Variants in CHD1L observed in about 807,000 individuals in gnomAD.
The protein encoded by CHD1L is chromodomain helicase DNA binding protein 1 like.
In CHD1L, 118 loss-of-function variants were observed where a neutral mutation model predicts 115.9. The ratio of observed to expected loss-of-function variants is 1.02; its 90% CI spans 0.88 to 1.19. The LOEUF is 1.19. Ranked by LOEUF, CHD1L falls within the 50% of genes most tolerant of loss-of-function variation. CHD1L has a pLI of 0.00. For missense variants in CHD1L, 1,179 were observed against 1,065.3 expected (o/e 1.11, Z -1.49); for synonymous variants, 411 against 387.1 (o/e 1.06, Z -0.72).
the CHD1L span, among the ~76,000 whole-genome samples, chr1:147,218,562 C>A: frequency 1.3e-5 from 2 of 152,130 alleles, no homozygotes; most frequent in Non-Finnish European, 2.9e-5. Flanking sequence ...ACCTTCCACA[C>A]CACTCCATGG....
chr1:147,233,499 C>T, the CHD1L span, among the ~76,000 whole-genome samples: 1 of 150,928 alleles, frequency 6.6e-6, no homozygotes, highest in African/African-American at 2.4e-5. Context: ...GCCCGGCCAG[C>T]CGCCCCATCC....
chr1:147,267,539 C>T (rs1206372782), intron 9 of CHD1L, 21 bp downstream of exon 9: 7 of 1,573,460 alleles, frequency 4.4e-6, no homozygotes, highest in South Asian at 2.3e-5. Flanking sequence ...GCCTTTTCCC[C>T]CCACATTATT....
At position 147,293,607 on chromosome 1, in the gene CHD1L, G is replaced by A. The variant is rs782165752; in HGVS notation, c.2392-1G>A. 8.7e-6 allele frequency: 14 copies of A among 1,613,490 alleles called. No individual in the cohort carries two copies. The South Asian group carries it at 1.3e-4, about 15-fold the overall frequency. On this transcript the variant is annotated splice_acceptor_variant, in intron 20 of 22. Coordinates refer to ENST00000369258, the MANE Select transcript of CHD1L (RefSeq NM_004284.6). LOFTEE classifies it high-confidence loss of function. ...GGTCATCTAATGGTGGTTCTTTCCA[G>A]TTGGCCTTGATTGTGGCTCAGCATC...
chr1:147,178,333 T>C, the CHD1L span: 67 of 1,612,470 alleles, frequency 4.2e-5, no homozygotes, highest in Non-Finnish European at 4.4e-5. Flanking sequence ...AGCTACCAGA[T>C]TAAAAGGAAT....
intron 14 of CHD1L, among the ~76,000 whole-genome samples, chr1:147,279,010 A>G (rs587719658): frequency 6.6e-6 from 1 of 152,334 alleles, no homozygotes; most frequent in Admixed American, 6.5e-5. Flanking sequence ...GGAGGGTCCC[A>G]GTATGGACCA....
intron 14 of CHD1L, among the ~76,000 whole-genome samples, chr1:147,279,783 T>C (rs1572048015): frequency 6.6e-6 from 1 of 152,192 alleles, no homozygotes; most frequent in Non-Finnish European, 1.5e-5. Context: ...TTTTTTGTTT[T>C]GTTTTTATGC....
chr1:147,254,393 G>A (rs1435943816), intron 2 of CHD1L, among the ~76,000 whole-genome samples: 5 of 152,148 alleles, frequency 3.3e-5, no homozygotes, highest in Admixed American at 1.3e-4. Flanking sequence ...AGACAGTAGG[G>A]GAAGGTGGGA....
At chr1:147,262,886 A>G (rs764406887) in intron 6 of CHD1L, among the ~76,000 whole-genome samples, 4 of 152,160 alleles carry the variant, frequency 2.6e-5, no homozygotes, top group Non-Finnish European at 4.4e-5. Flanking sequence ...TCCTACTCCT[A>G]CATTAACACT....
intron 12 of CHD1L, among the ~76,000 whole-genome samples, chr1:147,274,715 C>T (rs1306485299): frequency 3.3e-5 from 5 of 152,128 alleles, no homozygotes; most frequent in African/African-American, 1.2e-4. Context: ...AGCCTCAGAA[C>T]ACTCAGAGTA....
Position 147,264,576 on chromosome 1 carries a change from C to A in CHD1L, c.731C>A (p.Ser244Tyr). Residue 244 changes from serine (S) to tyrosine (Y), a missense_variant, in exon 7 of 23, where the codon TCT (serine) becomes TAT (tyrosine). Transcript: ENST00000369258. ...IQRYQDIEKE[S>Y]ESASELHKLL... Reference sequence around the variant, plus strand: ...CGCTACCAGGATATTGAGAAAGAATCTGAGTCAGGCAAGTTCCTTTCCTGC... The same window carrying A: ...CGCTACCAGGATATTGAGAAAGAATATGAGTCAGGCAAGTTCCTTTCCTGC... 6.2e-7 allele frequency: 1 copy of A among 1,612,982 alleles called. No homozygotes were observed. Among genetic ancestry groups the A allele is most frequent in the Non-Finnish European group, 8.5e-7 (1 of 1,179,542 alleles).
chr1:147,250,538 T>C (rs1668087002), intron 1 of CHD1L, among the ~76,000 whole-genome samples: 1 of 152,154 alleles, frequency 6.6e-6, no homozygotes, highest in Non-Finnish European at 1.5e-5. Context: ...CTACTGATCC[T>C]GCAGGGGAAA....
chr1:147,261,414 A>T (rs1471614203), intron 6 of CHD1L, among the ~76,000 whole-genome samples: 405 of 32,914 alleles, frequency 0.012, 3 homozygotes, highest in Non-Finnish European at 0.017. Context: ...TTTTTTTTTT[A>T]TATATAAAGG....
the CHD1L span, chr1:147,225,105 G>T: frequency 1.2e-6 from 2 of 1,605,000 alleles, no homozygotes. Flanking sequence ...GCACACATCG[G>T]TTAACATTTT....
chr1:147,260,158 T>C, intron 6 of CHD1L: 1 of 364,402 alleles, frequency 2.7e-6, no homozygotes, highest in Non-Finnish European at 5.0e-6. Flanking sequence ...CATTGATACA[T>C]CGCTATCACT....
the CHD1L span, among the ~76,000 whole-genome samples, chr1:147,185,074 G>C: frequency 1.3e-5 from 2 of 152,038 alleles, no homozygotes; most frequent in Admixed American, 6.6e-5. Context: ...AATATTATTA[G>C]ACATTATCAG....
chr1:147,294,538 TTG>T lies in CHD1L; in HGVS notation c.2615+27_2615+28del. 3 of 1,574,012 alleles carry T rather than the reference TTG, an allele frequency of 1.9e-6. No individual in the cohort carries two copies. In the South Asian group the frequency reaches 3.4e-5, roughly 18 times the overall value. ...TACATGTATCCTTTTGTGATCTTCA[TTG>T]TGTGTTCTCCCAACCCAAGAGGGAA... On this transcript the variant is annotated intron_variant, in intron 22 of 22. Coordinates refer to ENST00000369258, the MANE Select transcript of CHD1L (RefSeq NM_004284.6).
At chr1:147,204,787 C>T in the CHD1L span, 31 of 1,585,582 alleles carry the variant, frequency 2.0e-5, no homozygotes, top group East Asian at 6.7e-4. Context: ...CATTCCATTT[C>T]GTCCATATGC....
At chr1:147,257,041 C>G (rs587706950) in intron 5 of CHD1L, among the ~76,000 whole-genome samples, 1 of 152,184 alleles carries the variant, frequency 6.6e-6, no homozygotes, top group Admixed American at 6.5e-5. Flanking sequence ...TTAAGTGTAC[C>G]TCTAATTAGT....
At chr1:147,226,610 G>C in the CHD1L span, among the ~76,000 whole-genome samples, 1 of 152,154 alleles carries the variant, frequency 6.6e-6, no homozygotes, top group Non-Finnish European at 1.5e-5. Flanking sequence ...GGTTCTATTT[G>C]ACAGATGTGA....
Sources: allele counts gnomAD v4.1 joint callset (sites outside exome capture counted in the v4.1 genomes callset), GRCh38; gene constraint gnomAD v4.1.1; transcripts MANE v1.5; gene names NCBI Gene and HGNC (gene_info 2026-07-23, HGNC 2026-07-21).